CRPPA: variants seen among roughly 807,000 people sequenced by gnomAD.
CRPPA encodes the protein D-ribitol-5-phosphate cytidylyltransferase.
CRPPA carries 43 observed loss-of-function variants against 52.0 expected under a neutral mutation model. The ratio of observed to expected loss-of-function variants is 0.83; its 90% CI spans 0.65 to 1.07. The LOEUF (loss-of-function observed/expected upper bound fraction) is 1.07. Among genes scored for constraint, CRPPA ranks in the 50% least tolerant of loss-of-function variants. The pLI, the probability that CRPPA is intolerant of heterozygous loss-of-function variation, is 0.00. For missense variants in CRPPA, 629 were observed against 551.7 expected (o/e 1.14, Z -1.40); for synonymous variants, 250 against 203.5 (o/e 1.23, Z -1.94).
chr7:16,150,532 A>G (rs1048347817), intron 9 of CRPPA, among the ~76,000 whole-genome samples: 1 of 152,216 alleles, frequency 6.6e-6, no homozygotes, highest in Non-Finnish European at 1.5e-5. Context: ...TCCCACATCA[A>G]AAATGTGATA....
intron 9 of CRPPA, among the ~76,000 whole-genome samples, chr7:16,145,338 T>A (rs1782954496): frequency 6.6e-6 from 1 of 152,112 alleles, no homozygotes; most frequent in East Asian, 1.9e-4. Context: ...CCAGAAACAG[T>A]CCTACCAGGT....
chr7:16,352,297 G>T (rs1786176547), intron 3 of CRPPA, among the ~76,000 whole-genome samples: 1 of 151,804 alleles, frequency 6.6e-6, no homozygotes, highest in Non-Finnish European at 1.5e-5. Context: ...GAGAACATTA[G>T]GACAAAAAAC....
intron 9 of CRPPA, among the ~76,000 whole-genome samples, chr7:16,190,393 A>C (rs1348552125): frequency 6.6e-6 from 1 of 152,212 alleles, no homozygotes; most frequent in Non-Finnish European, 1.5e-5. Context: ...CAAACGAATT[A>C]AGTATGGTAA....
At chr7:16,355,081 A>G (rs943010883) in intron 3 of CRPPA, among the ~76,000 whole-genome samples, 5 of 152,208 alleles carry the variant, frequency 3.3e-5, no homozygotes, top group Non-Finnish European at 7.3e-5. Flanking sequence ...ATAAGCAAGT[A>G]TCAAAATGTA....
chr7:16,224,644 A>T (rs1782603190), intron 8 of CRPPA, among the ~76,000 whole-genome samples: 1 of 152,162 alleles, frequency 6.6e-6, no homozygotes, highest in African/African-American at 2.4e-5. Flanking sequence ...ACATGTACAT[A>T]AAAAAGTAAA....
intron 2 of CRPPA, among the ~76,000 whole-genome samples, chr7:16,398,227 C>T (rs1485549435): frequency 6.9e-5 from 3 of 43,392 alleles, no homozygotes; most frequent in Non-Finnish European, 1.2e-4. Flanking sequence ...CATGTAATAA[C>T]GTGACTGACA....
chr7:16,116,048 G>A (rs34612021), intron 9 of CRPPA, among the ~76,000 whole-genome samples: 50,298 of 151,930 alleles, frequency 0.33, 9,652 homozygotes, highest in South Asian at 0.54. Flanking sequence ...TAAAATTATC[G>A]TGTAATGGTA....
Position 16,174,687 on chromosome 7 carries a change from T to C in CRPPA, c.1251+41379A>G, listed in dbSNP as rs181085758. ...AGTACCTAATCAACTACAAAATACTTAGCTGTCATAATTTCCATTTTTTCA... is the reference window on the plus strand; with the variant it reads ...AGTACCTAATCAACTACAAAATACTCAGCTGTCATAATTTCCATTTTTTCA... On this transcript the variant is annotated intron_variant, in intron 9 of 9. Transcript: ENST00000407010. Among the ~76,000 whole-genome samples, 38 of 152,268 alleles carry C rather than the reference T, an allele frequency of 2.5e-4. No individual in the cohort carries two copies. The East Asian group carries it at 5.6e-3, about 22-fold the overall frequency.
intron 2 of CRPPA, among the ~76,000 whole-genome samples, chr7:16,393,459 G>T (rs536508591): frequency 2.6e-5 from 4 of 152,054 alleles, no homozygotes; most frequent in Non-Finnish European, 4.4e-5. Context: ...ATATATGACA[G>T]AAGTGGCAGT....
chr7:16,275,530 C>A (rs1030211386), intron 6 of CRPPA, among the ~76,000 whole-genome samples: 3 of 152,098 alleles, frequency 2.0e-5, no homozygotes, highest in Non-Finnish European at 4.4e-5. Context: ...AACTCTTCTA[C>A]TTAAAAAGGA....
chr7:16,146,327 A>C (rs1373006383), intron 9 of CRPPA, among the ~76,000 whole-genome samples: 1 of 152,150 alleles, frequency 6.6e-6, no homozygotes, highest in Non-Finnish European at 1.5e-5. Flanking sequence ...CAGACAAATA[A>C]AAACTGAGGA....
intron 9 of CRPPA, among the ~76,000 whole-genome samples, chr7:16,097,103 A>G (rs956338123): frequency 3.3e-5 from 5 of 152,154 alleles, no homozygotes; most frequent in African/African-American, 9.7e-5. Flanking sequence ...CTCTCCATAA[A>G]TATTTTCAAA....
chr7:16,344,568 A>T (rs1785958418), intron 3 of CRPPA, among the ~76,000 whole-genome samples: 1 of 152,130 alleles, frequency 6.6e-6, no homozygotes, highest in Non-Finnish European at 1.5e-5. Context: ...GAATGAGCCT[A>T]TTTATGGTAT....
intron 9 of CRPPA, among the ~76,000 whole-genome samples, chr7:16,208,293 C>A (rs1231813402): frequency 6.6e-6 from 1 of 152,006 alleles, no homozygotes; most frequent in Non-Finnish European, 1.5e-5. Context: ...TAACTTATAC[C>A]TCTATTTTTG....
At chr7:16,412,755 C>A (rs1385286521) in intron 1 of CRPPA, among the ~76,000 whole-genome samples, 2 of 152,206 alleles carry the variant, frequency 1.3e-5, no homozygotes, top group African/African-American at 2.4e-5. Flanking sequence ...ACACCAAACC[C>A]TCAGCAGCCT....
At chr7:16,378,904 G>A (rs1393501417) in intron 2 of CRPPA, among the ~76,000 whole-genome samples, 3 of 152,256 alleles carry the variant, frequency 2.0e-5, no homozygotes, top group Admixed American at 6.5e-5. Flanking sequence ...CTGCATAAAC[G>A]TCTTCTTTTG....
At chr7:16,130,560 A>G (rs1419881332) in intron 9 of CRPPA, among the ~76,000 whole-genome samples, 1 of 152,212 alleles carries the variant, frequency 6.6e-6, no homozygotes, top group Non-Finnish European at 1.5e-5. Flanking sequence ...CAACTCTGTA[A>G]CACTGACTCC....
At chr7:16,106,237 C>A (rs1022009238) in intron 9 of CRPPA, among the ~76,000 whole-genome samples, 1 of 152,172 alleles carries the variant, frequency 6.6e-6, no homozygotes, top group Non-Finnish European at 1.5e-5. Flanking sequence ...CAAAAAAAAC[C>A]CATCCTGTGG....
chr7:16,398,456 T>C (rs1473422071), intron 2 of CRPPA, among the ~76,000 whole-genome samples: 1 of 151,684 alleles, frequency 6.6e-6, no homozygotes, highest in Non-Finnish European at 1.5e-5. Flanking sequence ...GACACGTGAC[T>C]CACGTGTGCG....
Sources: allele counts gnomAD v4.1 joint callset (sites outside exome capture counted in the v4.1 genomes callset), GRCh38; gene constraint gnomAD v4.1.1; transcripts MANE v1.5; gene names NCBI Gene and HGNC (gene_info 2026-07-23, HGNC 2026-07-21).